The following FZD3 variants were observed in gnomAD, a reference collection of about 807,000 sequenced individuals.
The protein encoded by FZD3 is frizzled class receptor 3.
FZD3 carries 30 observed loss-of-function variants against 60.7 expected under a neutral mutation model. That is an observed-to-expected ratio of 0.49 (90% CI 0.37 to 0.67). The LOEUF (loss-of-function observed/expected upper bound fraction) is 0.67, where lower values mean the gene tolerates loss of function less well. Ranked by LOEUF, FZD3 falls within the 30% of genes least tolerant of loss-of-function variation. The pLI is 0.00. For synonymous variants in FZD3, 246 were observed against 275.2 expected (o/e 0.89, Z 1.05); for missense variants, 605 against 838.7 (o/e 0.72, Z 3.44).
intron 5 of FZD3, among the ~76,000 whole-genome samples, chr8:28,550,967 A>G (rs1225659541): frequency 6.6e-6 from 1 of 151,688 alleles, no homozygotes; most frequent in Non-Finnish European, 1.5e-5. Context: ...TTTTCACATT[A>G]CTCTTTTAAG....
chr8:28,526,356 G>C (rs1371348201), intron 4 of FZD3, among the ~76,000 whole-genome samples: 1 of 152,084 alleles, frequency 6.6e-6, no homozygotes, highest in Non-Finnish European at 1.5e-5. Flanking sequence ...TTGGCTTACT[G>C]CTAATACTGA....
At chr8:28,509,150 G>A (rs1804219210) in intron 3 of FZD3, among the ~76,000 whole-genome samples, 1 of 151,908 alleles carries the variant, frequency 6.6e-6, no homozygotes. Context: ...TTTTGATTTT[G>A]AGGAATGACT....
chr8:28,511,045 A>G (rs1804274285), intron 3 of FZD3, among the ~76,000 whole-genome samples: 1 of 151,908 alleles, frequency 6.6e-6, no homozygotes, highest in Non-Finnish European at 1.5e-5. Context: ...TCAAAAATAA[A>G]TTAATTAAAT....
rs1280088285 is a variant in FZD3 at position 28,573,862 on chromosome 8, C to A, written c.*10851C>A. On this transcript the variant is annotated 3_prime_UTR_variant, in exon 8 of 8. Transcript: ENST00000240093. ...CCAAACTTTATTCTGAATCAAATTG[C>A]TGAGGTGATTCTAAATGTCTAATGT... is the stretch of plus-strand genomic sequence containing the variant. 1.3e-5 allele frequency: 2 copies of A among 152,128 alleles called. No individual in the cohort carries two copies. Among genetic ancestry groups the A allele is most frequent in the African/African-American group, 4.8e-5 (2 of 41,434 alleles). The allele number at this position is 152,128 out of a possible 1,614,324, so 9.4% of individuals were successfully genotyped here.
chr8:28,506,766 A>G (rs7006140), intron 3 of FZD3, among the ~76,000 whole-genome samples: 3,320 of 152,308 alleles, frequency 0.022, 110 homozygotes, highest in African/African-American at 0.075. Context: ...AAGCCTGAAC[A>G]TCCTGTATCT....
At chr8:28,550,978 A>C (rs1349584700) in intron 5 of FZD3, among the ~76,000 whole-genome samples, 1 of 152,104 alleles carries the variant, frequency 6.6e-6, no homozygotes, top group Non-Finnish European at 1.5e-5. Context: ...CTCTTTTAAG[A>C]AGTTCATCTA....
chr8:28,560,946 A>C (rs1037852932), intron 7 of FZD3, among the ~76,000 whole-genome samples: 2 of 152,246 alleles, frequency 1.3e-5, no homozygotes, highest in African/African-American at 4.8e-5. Flanking sequence ...GTATCTTTTA[A>C]TAAATAAGAA....
chr8:28,510,289 T>C (rs906456225), intron 3 of FZD3, among the ~76,000 whole-genome samples: 1 of 152,200 alleles, frequency 6.6e-6, no homozygotes, highest in African/African-American at 2.4e-5. Flanking sequence ...GTTACAATGT[T>C]GCAAGTGTGT....
At position 28,562,790 on chromosome 8, in the gene FZD3, C is replaced by T. The variant is rs772306950; in HGVS notation, c.1788-8C>T. On this transcript the variant is annotated splice_polypyrimidine_tract_variant and splice_region_variant and intron_variant, in intron 7 of 7. Transcript: ENST00000240093. ...TGTTACCCACTTCAAAATAAACTCT[C>T]ATGACAGGTACACGCCCTGCAGTTA... 5 of 1,559,070 alleles carry T rather than the reference C, an allele frequency of 3.2e-6. No individual in the cohort carries two copies. The highest frequency in any genetic ancestry group is 1.7e-5 in the Admixed American group (1 of 57,566).
Position 28,563,755 on chromosome 8 carries a change from A to G in FZD3, c.*744A>G, listed in dbSNP as rs1364523825. The stretch of plus-strand genomic sequence containing the variant: ...GTGTTTTTATAACTTATCCATATGC[A>G]TGATGGAAAAATTTTAATTTGTAGC... On this transcript the variant is annotated 3_prime_UTR_variant, in exon 8 of 8. Coordinates refer to ENST00000240093, the MANE Select transcript of FZD3 (RefSeq NM_017412.4). The G allele has an allele frequency of 6.6e-6, 1 of 152,628 alleles. No homozygotes were observed. Among genetic ancestry groups the G allele is most frequent in the Non-Finnish European group, 1.5e-5 (1 of 68,052 alleles). 9.5% of individuals were successfully genotyped at this position (152,628 alleles called of 1,614,324 possible).
rs201820737 is a variant in FZD3 at position 28,555,909 on chromosome 8, A to G, written c.1725A>G (p.Ala575=). The G allele has an allele frequency of 6.2e-6, 10 of 1,614,152 alleles. No homozygotes were observed. In the Admixed American group the frequency reaches 1.2e-4, roughly 19 times the overall value. ...TGGTGGATGATCAAAGAAGCAAAGC[A>G]GGAAGCATCCACAGCAAAGTGAGCA... is the stretch of plus-strand genomic sequence containing the variant. The part of the protein sequence containing the change: ...LAMVDDQRSK[A]GSIHSKVSSY... The change falls in exon 7 of 8, where the codon GCA becomes GCG. Residue 575 remains alanine, a synonymous_variant. Transcript: ENST00000240093.
Position 28,568,892 on chromosome 8 carries a change from C to T in FZD3, c.*5881C>T, listed in dbSNP as rs1457531110. The T allele has an allele frequency of 6.6e-6, 1 of 152,032 alleles. No homozygotes were observed. Among genetic ancestry groups the T allele is most frequent in the South Asian group, 2.1e-4 (1 of 4,824 alleles). 9.4% of individuals were successfully genotyped at this position (152,032 alleles called of 1,614,324 possible). A position where few individuals can be genotyped will look rare whatever the true frequency, so the allele number is the denominator to read the frequency against. On this transcript the variant is annotated 3_prime_UTR_variant, in exon 8 of 8. Coordinates refer to ENST00000240093, the MANE Select transcript of FZD3 (RefSeq NM_017412.4). ...TGTTGGTGTGAAAGCGTTGCTTATACTTTATGCTCATTTTATTGGTCACTG... is the reference window on the plus strand; with the variant it reads ...TGTTGGTGTGAAAGCGTTGCTTATATTTTATGCTCATTTTATTGGTCACTG...
chr8:28,556,026 C>A, intron 7 of FZD3, 55 bp downstream of exon 7: 1 of 1,167,836 alleles, frequency 8.6e-7, no homozygotes, highest in Non-Finnish European at 1.3e-6. Context: ...GACCATACAG[C>A]TTAAGAAAGA....
rs375620381 is a variant in FZD3 at position 28,503,052 on chromosome 8, G to A, written c.39G>A (p.Leu13=). The A allele has an allele frequency of 1.1e-4, 172 of 1,613,374 alleles. No individual in the cohort carries two copies. The highest frequency in any genetic ancestry group is 1.4e-4 in the Non-Finnish European group (163 of 1,179,572). The change falls in exon 3 of 8, where the codon TTG becomes TTA. Residue 13 remains leucine, a synonymous_variant. Transcript: ENST00000240093. The part of the protein sequence containing the change: ...MTWIVFSLWP[L]TVFMGHIGGH... ...GGATTGTCTTCTCTCTTTGGCCCTTGACTGTGTTCATGGGGCATATAGGTG... is the reference window on the plus strand; with the variant it reads ...GGATTGTCTTCTCTCTTTGGCCCTTAACTGTGTTCATGGGGCATATAGGTG...
At chr8:28,533,203 C>CT (rs1021047131) in intron 5 of FZD3, among the ~76,000 whole-genome samples, 43 of 147,662 alleles carry the variant, frequency 2.9e-4, no homozygotes, top group African/African-American at 6.7e-4. Context: ...AAGGATTTTT[C>CT]TTTTTTTTTT....
In FZD3 at chr8:28,506,704, G is replaced by C. The variant is rs1804150283; in HGVS notation, c.189+3502G>C. ...TATGATTTAAGGTTTTCTTATAATG[G>C]GAGCATGGAAAGCTGGCAGTGAAAT... is the stretch of plus-strand genomic sequence containing the variant. On this transcript the variant is annotated intron_variant, in intron 3 of 7. Transcript: ENST00000240093. Among the ~76,000 whole-genome samples the C allele has an allele frequency of 1.3e-5, 2 of 151,992 alleles. 1 individual carries two copies. The highest frequency in any genetic ancestry group is 4.2e-4 in the South Asian group (2 of 4,800).
chr8:28,541,004 A>T (rs1179563675), intron 5 of FZD3, among the ~76,000 whole-genome samples: 1 of 152,190 alleles, frequency 6.6e-6, no homozygotes, highest in Non-Finnish European at 1.5e-5. Context: ...TAAACACTGT[A>T]TCCCATTTCC....
At chr8:28,536,753 GTTC>G (rs1406588770) in intron 5 of FZD3, among the ~76,000 whole-genome samples, 1 of 152,130 alleles carries the variant, frequency 6.6e-6, no homozygotes, top group Non-Finnish European at 1.5e-5. Flanking sequence ...TATTATTTCT[GTTC>G]TTCTGAGCAC....
intron 5 of FZD3, among the ~76,000 whole-genome samples, chr8:28,549,156 C>T (rs985614266): frequency 6.6e-6 from 1 of 152,188 alleles, no homozygotes; most frequent in Non-Finnish European, 1.5e-5. Context: ...TGTGTGTGTA[C>T]ACATGCCTGG....
Sources: gnomAD v4.1 joint callset for allele counts (sites outside exome capture counted in the v4.1 genomes callset) on GRCh38, gnomAD v4.1.1 for gene constraint, MANE v1.5 for transcripts, NCBI Gene and HGNC (gene_info 2026-07-23, HGNC 2026-07-21) for gene names.